CPLX4: variants seen among roughly 807,000 people sequenced by gnomAD.
CPLX4 encodes the protein complexin 4, also known as complexin-4.
Under a neutral mutation model 16.1 loss-of-function variants are expected in CPLX4, and 17 were observed. The ratio of observed to expected loss-of-function variants is 1.06; its 90% CI spans 0.72 to 1.59. The LOEUF (loss-of-function observed/expected upper bound fraction) is 1.59, where lower values mean the gene tolerates loss of function less well. Among genes scored for constraint, CPLX4 ranks in the 40% most tolerant of loss-of-function variants. CPLX4 has a pLI of 0.00. For missense variants in CPLX4, 193 were observed against 192.9 expected, an observed-to-expected ratio of 1.00 and a Z score of 0.00; for synonymous variants, 55 against 57.8, an observed-to-expected ratio of 0.95 and a Z score of 0.22.
At chr18:59,298,326 C>T (rs2070517013) in intron 2 of CPLX4, among the ~76,000 whole-genome samples, 1 of 152,152 alleles carries the variant, frequency 6.6e-6, no homozygotes, top group East Asian at 1.9e-4. Flanking sequence ...GAAAAATATT[C>T]TCTGGGAAAG....
At chr18:59,316,530 A>C (rs1463123460) in intron 1 of CPLX4, among the ~76,000 whole-genome samples, 1 of 152,168 alleles carries the variant, frequency 6.6e-6, no homozygotes, top group East Asian at 1.9e-4. Flanking sequence ...GAAATTCTTG[A>C]AAACTCAAAC....
At chr18:59,312,961 C>T (rs2070627767) in intron 1 of CPLX4, among the ~76,000 whole-genome samples, 189 bp from the exon 2 acceptor site, 1 of 152,106 alleles carries the variant, frequency 6.6e-6, no homozygotes, top group African/African-American at 2.4e-5. Flanking sequence ...ACTGTCATAA[C>T]TTTCAGTATA....
In CPLX4 at chr18:59,309,839, A is replaced by G. The variant is rs1405349944; in HGVS notation, c.255+2846T>C. 4.8e-3 allele frequency among the ~76,000 whole-genome samples: 536 copies of G among 110,598 alleles called. 5 individuals are homozygous for G. The highest frequency in any genetic ancestry group is 6.7e-3 in the Non-Finnish European group (345 of 51,198). 72.6% of individuals were successfully genotyped at this position (110,598 alleles called of 152,430 possible). A position where few individuals can be genotyped will look rare whatever the true frequency, so the allele number is the denominator to read the frequency against. ...CTCTGTGTCAAAAAAAAAAAAAAAA[A>G]AAAGAAAAAGAAAAAAAGAGTAGAA... is the stretch of plus-strand genomic sequence containing the variant. On this transcript the variant is annotated intron_variant, in intron 2 of 2. Coordinates refer to ENST00000299721, the MANE Select transcript of CPLX4 (RefSeq NM_181654.4).
intron 2 of CPLX4, among the ~76,000 whole-genome samples, chr18:59,301,204 G>A (rs188240324): frequency 6.6e-6 from 1 of 152,238 alleles, no homozygotes; most frequent in Admixed American, 6.5e-5. Flanking sequence ...GGGCGTTTGG[G>A]GTCCTAAGCA....
At chr18:59,312,585 T>G (rs1292220706) in intron 2 of CPLX4, 100 bp downstream of exon 2, 6 of 325,690 alleles carry the variant, frequency 1.8e-5, no homozygotes, top group African/African-American at 1.3e-4. Context: ...TATATATATA[T>G]ATATTCATAT....
At chr18:59,300,789 C>A (rs762930266) in intron 2 of CPLX4, among the ~76,000 whole-genome samples, 20 of 152,186 alleles carry the variant, frequency 1.3e-4, no homozygotes, top group Non-Finnish European at 2.6e-4. Flanking sequence ...TTAGCTCTGT[C>A]AGGAGGCTGT....
chr18:59,310,199 T>C (rs902715312), intron 2 of CPLX4, among the ~76,000 whole-genome samples: 1 of 150,818 alleles, frequency 6.6e-6, no homozygotes, highest in African/African-American at 2.4e-5. Flanking sequence ...GCTCTACTGT[T>C]ATTTATCAAC....
intron 1 of CPLX4, among the ~76,000 whole-genome samples, chr18:59,315,906 A>G (rs1405162936): frequency 6.6e-6 from 1 of 152,206 alleles, no homozygotes; most frequent in East Asian, 1.9e-4. Flanking sequence ...CCAGTCTACA[A>G]ATCACGCAGA....
chr18:59,304,681 C>T (rs1430201003), intron 2 of CPLX4, among the ~76,000 whole-genome samples: 3 of 152,122 alleles, frequency 2.0e-5, no homozygotes, highest in African/African-American at 7.2e-5. Context: ...AAGCGATTCT[C>T]CTGCCTCAGC....
At chr18:59,317,567 G>A (rs936118542) in intron 1 of CPLX4, among the ~76,000 whole-genome samples, 6 of 152,064 alleles carry the variant, frequency 3.9e-5, no homozygotes, top group Non-Finnish European at 8.8e-5. Context: ...GGTGGCTGAA[G>A]TATTTGGGGG....
chr18:59,299,785 G>A (rs995933595), intron 2 of CPLX4, among the ~76,000 whole-genome samples: 1 of 152,170 alleles, frequency 6.6e-6, no homozygotes, highest in Non-Finnish European at 1.5e-5. Context: ...GGTTCTCCAG[G>A]ACAACAGCAT....
chr18:59,296,359 CAAGG>C lies in CPLX4; in HGVS notation c.*335_*338del, dbSNP rs2070500494. 1 of 310,550 alleles carries C rather than the reference CAAGG, an allele frequency of 3.2e-6. No individual in the cohort carries two copies. Among genetic ancestry groups the C allele is most frequent in the African/African-American group, 2.3e-5 (1 of 43,692 alleles). 19.2% of individuals were successfully genotyped at this position (310,550 alleles called of 1,614,324 possible). On this transcript the variant is annotated 3_prime_UTR_variant, in exon 3 of 3. Coordinates refer to ENST00000299721, the MANE Select transcript of CPLX4 (RefSeq NM_181654.4). ...TTGGACAGGGTGAGAACTTGGCCTC[CAAGG>C]AAGAAAGTTGGAGAGGAAATGCCCC... is the stretch of plus-strand genomic sequence containing the variant.
chr18:59,312,470 T>C (rs1603392116), intron 2 of CPLX4, among the ~76,000 whole-genome samples: 1 of 148,094 alleles, frequency 6.8e-6, no homozygotes, highest in Admixed American at 6.8e-5. Flanking sequence ...TGAATATATA[T>C]ATATCCTGAA....
chr18:59,298,663 G>A (rs999286230), intron 2 of CPLX4, among the ~76,000 whole-genome samples: 3 of 152,066 alleles, frequency 2.0e-5, no homozygotes, highest in South Asian at 2.1e-4. Context: ...CCCTGTCTGG[G>A]TGCTATGTAG....
intron 2 of CPLX4, among the ~76,000 whole-genome samples, chr18:59,301,085 C>T (rs375971006): frequency 2.3e-4 from 35 of 152,308 alleles, no homozygotes; most frequent in African/African-American, 7.9e-4. Context: ...GCCTTAGGAC[C>T]TTGGGTGCAT....
intron 2 of CPLX4, among the ~76,000 whole-genome samples, chr18:59,298,380 T>C (rs972143816): frequency 2.6e-5 from 4 of 152,116 alleles, no homozygotes; most frequent in Admixed American, 1.3e-4. Flanking sequence ...GTCAGATTTT[T>C]TGGAGATCAG....
intron 1 of CPLX4, among the ~76,000 whole-genome samples, chr18:59,317,005 G>A (rs1450331724): frequency 6.6e-6 from 1 of 151,956 alleles, no homozygotes; most frequent in African/African-American, 2.4e-5. Flanking sequence ...TGCTTCTTTT[G>A]CCCAAGTCTT....
chr18:59,313,508 G>C (rs1319890797), intron 1 of CPLX4, among the ~76,000 whole-genome samples: 2 of 152,174 alleles, frequency 1.3e-5, no homozygotes, highest in Admixed American at 6.5e-5. Context: ...GACACCTTTG[G>C]GAATGTCTGC....
At chr18:59,304,792 G>A (rs1487566794) in intron 2 of CPLX4, among the ~76,000 whole-genome samples, 5 of 152,110 alleles carry the variant, frequency 3.3e-5, no homozygotes, top group Admixed American at 1.3e-4. Flanking sequence ...GGATCGTCTC[G>A]ATCTCCTGAC....
Sources: allele counts gnomAD v4.1 joint callset (sites outside exome capture counted in the v4.1 genomes callset), GRCh38; gene constraint gnomAD v4.1.1; transcripts MANE v1.5; gene names NCBI Gene and HGNC (gene_info 2026-07-23, HGNC 2026-07-21).